GALK2: variants seen among roughly 807,000 people sequenced by gnomAD.
GALK2 encodes N-acetylgalactosamine kinase.
A neutral mutation model predicts 52.4 loss-of-function variants in GALK2; 36 were observed. That is an observed-to-expected ratio of 0.69 (90% CI 0.53 to 0.91). The LOEUF (loss-of-function observed/expected upper bound fraction) is 0.91. GALK2 is among the 40% of genes least tolerant of loss of function. The pLI is 0.00. For missense variants in GALK2, 579 were observed against 559.1 expected (o/e 1.04, Z -0.36); for synonymous variants, 176 against 199.1 (o/e 0.88, Z 0.98).
At chr15:49,257,112 G>A (rs1595857010) in intron 5 of GALK2, among the ~76,000 whole-genome samples, 1 of 152,116 alleles carries the variant, frequency 6.6e-6, no homozygotes, top group African/African-American at 2.4e-5. Context: ...TCTATTCTGA[G>A]TTGTTGGTGT....
intron 8 of GALK2, 53 bp downstream of exon 8, chr15:49,292,590 A>G (rs1272217615): frequency 1.4e-5 from 20 of 1,450,936 alleles, no homozygotes. Context: ...TTACAGCTGG[A>G]AGGTTTCAAT....
chr15:49,289,819 C>T (rs1480216709), intron 7 of GALK2, among the ~76,000 whole-genome samples: 6 of 152,158 alleles, frequency 3.9e-5, no homozygotes, highest in Admixed American at 1.3e-4. Context: ...ACAGGGCCTG[C>T]GTCTGAGAGA....
chr15:49,206,662 G>A (rs559008911), intron 2 of GALK2, among the ~76,000 whole-genome samples: 140 of 152,158 alleles, frequency 9.2e-4, no homozygotes, highest in Non-Finnish European at 1.4e-3. Flanking sequence ...GTATATAGAA[G>A]AGCTATATTT....
intron 2 of GALK2, among the ~76,000 whole-genome samples, chr15:49,210,973 T>TCACACACACA (rs3075099): frequency 0.013 from 1,937 of 146,636 alleles, 36 homozygotes; most frequent in South Asian, 0.037. Context: ...ACACACACAC[T>TCACACACACA]CACACACACA....
chr15:49,290,215 C>G (rs890712397), intron 7 of GALK2, among the ~76,000 whole-genome samples: 14 of 152,334 alleles, frequency 9.2e-5, no homozygotes, highest in African/African-American at 2.9e-4. Context: ...AGTCATCTTT[C>G]TGTTTTTCAA....
intron 7 of GALK2, 95 bp downstream of exon 7, chr15:49,283,813 A>AG: frequency 7.8e-7 from 1 of 1,290,008 alleles, no homozygotes; most frequent in East Asian, 2.3e-5. Flanking sequence ...CCCAAATTTT[A>AG]GGGCAACATT....
upstream of GALK2, among the ~76,000 whole-genome samples, chr15:49,167,367 T>G (rs1287293173): frequency 6.6e-6 from 1 of 152,040 alleles, no homozygotes; most frequent in Non-Finnish European, 1.5e-5. Flanking sequence ...TTTCTTTTCT[T>G]TTTTTTTGAG....
At chr15:49,353,279 G>C (rs557041701) in intron 3 of GALK2, among the ~76,000 whole-genome samples, 2 of 152,222 alleles carry the variant, frequency 1.3e-5, no homozygotes, top group South Asian at 4.1e-4. Flanking sequence ...TACTGCTGAA[G>C]AGTCCTCTTC....
At chr15:49,181,845 T>A (rs1447722066) in intron 1 of GALK2, among the ~76,000 whole-genome samples, 2 of 152,102 alleles carry the variant, frequency 1.3e-5, no homozygotes, top group East Asian at 1.9e-4. Flanking sequence ...TAATTTTTTT[T>A]AATTTTTATT....
intron 9 of GALK2, among the ~76,000 whole-genome samples, chr15:49,325,013 T>C (rs1374766887): frequency 6.6e-6 from 1 of 152,222 alleles, no homozygotes; most frequent in Non-Finnish European, 1.5e-5. Context: ...TTTTCAAGTG[T>C]GTAGTGCAGT....
At chr15:49,338,727 A>G (rs1253395663) in intron 3 of GALK2, among the ~76,000 whole-genome samples, 1 of 152,192 alleles carries the variant, frequency 6.6e-6, no homozygotes, top group Non-Finnish European at 1.5e-5. Flanking sequence ...GTGTTTTCCA[A>G]CTTGGTTCCA....
intron 5 of GALK2, among the ~76,000 whole-genome samples, chr15:49,269,581 T>C (rs2030069441): frequency 3.3e-5 from 5 of 152,214 alleles, no homozygotes. Flanking sequence ...GAACAGAATA[T>C]TTATAAATTT....
chr15:49,316,955 C>A (rs1012453080), intron 8 of GALK2, among the ~76,000 whole-genome samples: 3 of 152,168 alleles, frequency 2.0e-5, no homozygotes, highest in Admixed American at 2.0e-4. Flanking sequence ...CTATACAGGT[C>A]AGCCTTTGGG....
At chr15:49,279,203 A>G (rs1398516499) in intron 5 of GALK2, among the ~76,000 whole-genome samples, 11 of 152,270 alleles carry the variant, frequency 7.2e-5, no homozygotes, top group African/African-American at 2.7e-4. Flanking sequence ...CAAAGCAATT[A>G]GAACACTACC....
intron 5 of GALK2, among the ~76,000 whole-genome samples, chr15:49,264,092 AT>A (rs1445673582): frequency 6.6e-6 from 1 of 151,638 alleles, no homozygotes; most frequent in South Asian, 2.1e-4. Flanking sequence ...CGTTCTCTGG[AT>A]TTCCTGAATC....
chr15:49,298,306 C>T (rs754898076), intron 8 of GALK2, among the ~76,000 whole-genome samples: 16 of 152,104 alleles, frequency 1.1e-4, no homozygotes, highest in Non-Finnish European at 2.1e-4. Context: ...GTCAGTTCCA[C>T]GAGCCTTTGG....
At chr15:49,162,526 C>T (rs1302848548) in intron 1 of GALK2, among the ~76,000 whole-genome samples, 1 of 152,062 alleles carries the variant, frequency 6.6e-6, no homozygotes, top group Non-Finnish European at 1.5e-5. Flanking sequence ...TGGTGGCTAC[C>T]CATTATCTAT....
At chr15:49,347,164 A>T (rs1407665128) in intron 3 of GALK2, among the ~76,000 whole-genome samples, 1 of 152,230 alleles carries the variant, frequency 6.6e-6, no homozygotes, top group Non-Finnish European at 1.5e-5. Flanking sequence ...GGGAAGGGCT[A>T]TTGAAAACAT....
At chr15:49,343,229 CTT>C (rs1567109908) in intron 3 of GALK2, among the ~76,000 whole-genome samples, 1 of 151,916 alleles carries the variant, frequency 6.6e-6, no homozygotes, top group African/African-American at 2.4e-5. Flanking sequence ...TTTCTTAATT[CTT>C]TTTTTAATTT....
Sources: allele counts gnomAD v4.1 joint callset (sites outside exome capture counted in the v4.1 genomes callset), GRCh38; gene constraint gnomAD v4.1.1; transcripts MANE v1.5; gene names NCBI Gene and HGNC (gene_info 2026-07-23, HGNC 2026-07-21).